Variants in ZDHHC3 observed in about 807,000 individuals in gnomAD.
ZDHHC3 encodes palmitoyltransferase ZDHHC3.
In ZDHHC3, 9 loss-of-function variants were observed where a neutral mutation model predicts 30.6. The observed-to-expected ratio is 0.29, with a 90% confidence interval of 0.18 to 0.51. The LOEUF (loss-of-function observed/expected upper bound fraction) is 0.51, where lower values mean the gene tolerates loss of function less well. Among genes scored for constraint, ZDHHC3 ranks in the 20% least tolerant of loss-of-function variants. ZDHHC3 has a pLI of 0.97. For missense variants in ZDHHC3, 246 were observed against 384.2 expected, an observed-to-expected ratio of 0.64 and a Z score of 3.01; for synonymous variants, 136 against 140.2, an observed-to-expected ratio of 0.97 and a Z score of 0.21.
intron 3 of ZDHHC3, among the ~76,000 whole-genome samples, chr3:44,942,419 G>C (rs1702521524): frequency 6.6e-6 from 1 of 152,216 alleles, no homozygotes; most frequent in Non-Finnish European, 1.5e-5. Flanking sequence ...ATCTGAATCA[G>C]CAGCTCTTGC....
intron 6 of ZDHHC3, among the ~76,000 whole-genome samples, chr3:44,928,708 G>T (rs985087095): frequency 6.6e-6 from 1 of 152,250 alleles, no homozygotes; most frequent in Non-Finnish European, 1.5e-5. Flanking sequence ...CAGCCTCAAA[G>T]CTTCCAGCGA....
intron 1 of ZDHHC3, among the ~76,000 whole-genome samples, chr3:44,968,600 A>G (rs552987802): frequency 9.4e-4 from 143 of 152,278 alleles, no homozygotes; most frequent in African/African-American, 3.3e-3. Flanking sequence ...GGAAGCTGAG[A>G]TAGGAGGATC....
chr3:44,956,589 G>C (rs899443333), intron 2 of ZDHHC3, among the ~76,000 whole-genome samples: 11 of 152,122 alleles, frequency 7.2e-5, no homozygotes, highest in African/African-American at 2.7e-4. Flanking sequence ...TAGTCTCTGG[G>C]GGTGAGGCCC....
chr3:44,923,654 T>A lies in ZDHHC3; in HGVS notation c.*3035A>T, dbSNP rs1700772051. 25 of 805,948 alleles carry A rather than the reference T, an allele frequency of 3.1e-5. No individual in the cohort carries two copies. The highest frequency in any genetic ancestry group is 3.6e-5 in the Non-Finnish European group (24 of 666,822). The allele number at this position is 805,948 out of a possible 1,614,324, so 49.9% of individuals were successfully genotyped here. On this transcript the variant is annotated 3_prime_UTR_variant, in exon 7 of 7. Coordinates refer to ENST00000424952, the MANE Select transcript of ZDHHC3 (RefSeq NM_001135179.2). ...CTGACTCTATTAAAAAACAAAAAAATTAGCCAGGCATGGTAGTACGTGCCT... is the reference window on the plus strand; with the variant it reads ...CTGACTCTATTAAAAAACAAAAAAAATAGCCAGGCATGGTAGTACGTGCCT...
At chr3:44,930,019 G>A (rs1001173344) in intron 5 of ZDHHC3, among the ~76,000 whole-genome samples, 2 of 152,228 alleles carry the variant, frequency 1.3e-5, no homozygotes, top group Admixed American at 6.5e-5. Context: ...GTAATGCACT[G>A]CCCCCGCTCC....
Position 44,918,680 on chromosome 3 carries a change from C to T in ZDHHC3, c.*8009G>A, listed in dbSNP as rs748126044. The T allele has an allele frequency of 6.0e-6, 6 of 998,416 alleles. No individual in the cohort carries two copies. Among genetic ancestry groups the T allele is most frequent in the Non-Finnish European group, 7.2e-6 (6 of 836,094 alleles). The allele number at this position is 998,416 out of a possible 1,614,324, so 61.8% of individuals were successfully genotyped here. A position where few individuals can be genotyped will look rare whatever the true frequency, so the allele number is the denominator to read the frequency against. On this transcript the variant is annotated 3_prime_UTR_variant, in exon 7 of 7. Coordinates refer to ENST00000424952, the MANE Select transcript of ZDHHC3 (RefSeq NM_001135179.2). ...CGGGTGCTCGTACAGCAAGTGCCAA[C>T]ATGCATTAGGCAGCCGGAGGGCACA...
rs1222212598 is a variant in ZDHHC3 at position 44,918,581 on chromosome 3, G to T, written c.*8108C>A. On this transcript the variant is annotated 3_prime_UTR_variant, in exon 7 of 7. Coordinates refer to ENST00000424952, the MANE Select transcript of ZDHHC3 (RefSeq NM_001135179.2). ...GCCACTCCCACCAGGGTAGATAGGGGCTGCAAACACAGCAGAAGGACGATG... is the reference window on the plus strand; with the variant it reads ...GCCACTCCCACCAGGGTAGATAGGGTCTGCAAACACAGCAGAAGGACGATG... 5 of 985,342 alleles carry T rather than the reference G, an allele frequency of 5.1e-6. No homozygotes were observed. In the Admixed American group the frequency reaches 2.5e-4, roughly 48 times the overall value. The allele number at this position is 985,342 out of a possible 1,614,324, so 61.0% of individuals were successfully genotyped here.
chr3:44,936,882 C>G (rs1010366947), intron 3 of ZDHHC3, among the ~76,000 whole-genome samples: 16 of 150,072 alleles, frequency 1.1e-4, no homozygotes, highest in African/African-American at 3.2e-4. Context: ...AAAACCCCCC[C>G]CCAAAACCTG....
intron 3 of ZDHHC3, among the ~76,000 whole-genome samples, chr3:44,936,597 AATCAACCTAAATGCCC>A (rs1279902553): frequency 2.6e-5 from 4 of 152,224 alleles, no homozygotes; most frequent in South Asian, 2.1e-4. Context: ...AAAGACACAG[AATCAACCTAAATGCCC>A]ATCAACCTAA....
intron 2 of ZDHHC3, chr3:44,958,562 C>A: frequency 1.3e-6 from 2 of 1,530,468 alleles, no homozygotes; most frequent in Non-Finnish European, 1.8e-6. Flanking sequence ...GAGCAGAACA[C>A]TACTGCTTTA....
chr3:44,923,882 A>T lies in ZDHHC3; in HGVS notation c.*2807T>A. 1 of 985,472 alleles carries T rather than the reference A, an allele frequency of 1.0e-6. No individual in the cohort carries two copies. The highest frequency in any genetic ancestry group is 1.2e-6 in the Non-Finnish European group (1 of 829,936). 61.0% of individuals were successfully genotyped at this position (985,472 alleles called of 1,614,324 possible). A position where few individuals can be genotyped will look rare whatever the true frequency, so the allele number is the denominator to read the frequency against. On this transcript the variant is annotated 3_prime_UTR_variant, in exon 7 of 7. Coordinates refer to ENST00000424952, the MANE Select transcript of ZDHHC3 (RefSeq NM_001135179.2). ...AGATTTAGCACATGCACTTCTACCCAAATGTGTTTTGTGTACATGATATTA... is the reference window on the plus strand; with the variant it reads ...AGATTTAGCACATGCACTTCTACCCTAATGTGTTTTGTGTACATGATATTA...
Position 44,917,911 on chromosome 3 carries a change from T to TCCACAG in ZDHHC3, c.*8772_*8777dup, listed in dbSNP as rs1700297831. The TCCACAG allele has an allele frequency of 1.5e-6, 2 of 1,303,880 alleles. No homozygotes were observed. The highest frequency in any genetic ancestry group is 3.0e-5 in the African/African-American group (2 of 65,988). 80.8% of individuals were successfully genotyped at this position (1,303,880 alleles called of 1,614,324 possible). A position where few individuals can be genotyped will look rare whatever the true frequency, so the allele number is the denominator to read the frequency against. ...CAGCAGCATCTATTCATCTGTCACC[T>TCCACAG]CCACAGAGTCCTCGTCCTTTGTCTC... On this transcript the variant is annotated 3_prime_UTR_variant, in exon 7 of 7. Transcript: ENST00000424952.
rs1700945895 is a variant in ZDHHC3 at position 44,925,914 on chromosome 3, T to C, written c.*775A>G. On this transcript the variant is annotated 3_prime_UTR_variant, in exon 7 of 7. Coordinates refer to ENST00000424952, the MANE Select transcript of ZDHHC3 (RefSeq NM_001135179.2). Reference sequence around the variant, plus strand: ...AAAGGAAAACGTAGCTTGCCTGAAATTGTGTAATTTTTTTTCCTCTTGATT... The same window carrying C: ...AAAGGAAAACGTAGCTTGCCTGAAACTGTGTAATTTTTTTTCCTCTTGATT... The C allele has an allele frequency of 1.0e-6, 1 of 985,788 alleles. No homozygotes were observed. Among genetic ancestry groups the C allele is most frequent in the African/African-American group, 1.7e-5 (1 of 57,330 alleles). The allele number at this position is 985,788 out of a possible 1,614,324, so 61.1% of individuals were successfully genotyped here. A position where few individuals can be genotyped will look rare whatever the true frequency, so the allele number is the denominator to read the frequency against.
chr3:44,949,520 G>A (rs1255921820), intron 2 of ZDHHC3, among the ~76,000 whole-genome samples: 1 of 152,134 alleles, frequency 6.6e-6, no homozygotes, highest in Non-Finnish European at 1.5e-5. Context: ...TTAGAAACAA[G>A]TGGCTTTTGC....
At chr3:44,944,871 T>C (rs1330686049) in intron 3 of ZDHHC3, among the ~76,000 whole-genome samples, 4 of 152,194 alleles carry the variant, frequency 2.6e-5, no homozygotes, top group African/African-American at 9.7e-5. Flanking sequence ...CCCTCCATTT[T>C]ACATATATAA....
intron 1 of ZDHHC3, chr3:44,975,435 GT>G (rs1380377686): frequency 6.6e-6 from 1 of 152,220 alleles, no homozygotes; most frequent in Non-Finnish European, 1.5e-5. Flanking sequence ...GCCAGTGCCG[GT>G]TACCAAGCGC....
intron 1 of ZDHHC3, among the ~76,000 whole-genome samples, chr3:44,973,520 G>A (rs947146028): frequency 6.6e-5 from 10 of 151,974 alleles, no homozygotes; most frequent in African/African-American, 2.4e-4. Context: ...GTGCAATGGC[G>A]TGATCTCAGC....
chr3:44,933,461 G>A lies in ZDHHC3; in HGVS notation c.529-262C>T. The A allele has an allele frequency of 1.6e-5, 9 of 578,112 alleles. No individual in the cohort carries two copies. The South Asian group carries it at 1.9e-4, about 12-fold the overall frequency. The allele number at this position is 578,112 out of a possible 1,614,324, so 35.8% of individuals were successfully genotyped here. The stretch of plus-strand genomic sequence containing the variant: ...TCACCAGGCATGACCTGGGCTCCAG[G>A]CAGTATGAGCTGCCTGGGCGGGGGG... On this transcript the variant is annotated intron_variant, in intron 4 of 6. Transcript: ENST00000424952.
Position 44,959,169 on chromosome 3 carries a change from C to T in ZDHHC3, c.268G>A (p.Ala90Thr). 6.2e-7 allele frequency: 1 copy of T among 1,614,254 alleles called. No homozygotes were observed. The highest frequency in any genetic ancestry group is 1.7e-5 in the Admixed American group (1 of 60,036). ...GIVFNLLAFL[A>T]LASHCRAMLT... is the part of the protein sequence containing the mutation. Reference sequence around the variant, plus strand: ...ATGGCCCGGCAGTGGGAGGCCAGGGCCAAGAAGGCCAGCAGGTTGAACACA... The same window carrying T: ...ATGGCCCGGCAGTGGGAGGCCAGGGTCAAGAAGGCCAGCAGGTTGAACACA... The change falls in exon 2 of 7, where the codon GCC becomes ACC. Residue 90 changes from alanine (A) to threonine (T), a missense_variant. Transcript: ENST00000424952. This position sits in a 1 kb window ranked among gnomAD's most constrained non-coding sequence, Gnocchi z 4.3.
Sources: gnomAD v4.1 joint callset for allele counts (sites outside exome capture counted in the v4.1 genomes callset) on GRCh38, gnomAD v4.1.1 for gene constraint, Gnocchi (gnomAD v3.1) non-coding constraint, MANE v1.5 for transcripts, NCBI Gene and HGNC (gene_info 2026-07-23, HGNC 2026-07-21) for gene names.